The following FBXL17 variants were observed in gnomAD, a reference collection of about 807,000 sequenced individuals.
FBXL17 encodes the protein F-box and leucine rich repeat protein 17.
In FBXL17, 22 loss-of-function variants were observed where a neutral mutation model predicts 66.2. That is an observed-to-expected ratio of 0.33 (90% CI 0.24 to 0.47). The LOEUF (loss-of-function observed/expected upper bound fraction) is 0.47, where lower values mean the gene tolerates loss of function less well. Among genes scored for constraint, FBXL17 ranks in the 20% least tolerant of loss-of-function variants. The pLI, the probability that FBXL17 is intolerant of heterozygous loss-of-function variation, is 1.00. For missense variants in FBXL17, 878 were observed against 948.2 expected, an observed-to-expected ratio of 0.93 and a Z score of 0.97; for synonymous variants, 474 against 400.5, an observed-to-expected ratio of 1.18 and a Z score of -2.19.
rs1047840303 is a variant in FBXL17, at chr5:108,380,990, C to G, written c.702G>C (p.Gly234=). 3 of 1,208,112 alleles carry G rather than the reference C, an allele frequency of 2.5e-6. No homozygotes were observed. The highest frequency in any genetic ancestry group is 3.1e-6 in the Non-Finnish European group (3 of 972,554). 74.8% of individuals were successfully genotyped at this position (1,208,112 alleles called of 1,614,324 possible). A position where few individuals can be genotyped will look rare whatever the true frequency, so the allele number is the denominator to read the frequency against. The change falls in exon 1 of 9, where the codon GGG becomes GGC. Residue 234 remains glycine (G), a synonymous_variant. Transcript: ENST00000542267. ...GGGGGGGGPA[G]GGASPPRPPD... Reference sequence around the variant, plus strand: ...GGGGCCGGGGCGGCGAAGCGCCTCCCCCCGCAGGCCCTCCCCCGCCACCGC... The same window carrying G: ...GGGGCCGGGGCGGCGAAGCGCCTCCGCCCGCAGGCCCTCCCCCGCCACCGC...
intron 4 of FBXL17, among the ~76,000 whole-genome samples, chr5:108,235,085 G>A (rs1449944875): frequency 6.6e-6 from 1 of 152,182 alleles, no homozygotes; most frequent in African/African-American, 2.4e-5. Context: ...GCATATCTGG[G>A]ATGAAAAGGA....
At chr5:107,879,506 G>A (rs1561515113) in intron 8 of FBXL17, 2 of 985,304 alleles carry the variant, frequency 2.0e-6, no homozygotes, top group Non-Finnish European at 2.4e-6. Context: ...TCTGGGCTGG[G>A]CTGAGAATAT....
chr5:108,365,227 G>A (rs563973928), intron 2 of FBXL17, among the ~76,000 whole-genome samples: 10 of 152,124 alleles, frequency 6.6e-5, no homozygotes, highest in South Asian at 2.1e-4. Flanking sequence ...AAAACTCTTG[G>A]AATTTCCTAA....
chr5:107,866,287 T>C (rs891080660), intron 8 of FBXL17, among the ~76,000 whole-genome samples: 4 of 152,226 alleles, frequency 2.6e-5, no homozygotes, highest in Non-Finnish European at 5.9e-5. Flanking sequence ...CCACAAATTT[T>C]TTTTTAATAT....
At chr5:108,191,301 T>C (rs1267099489) in intron 5 of FBXL17, among the ~76,000 whole-genome samples, 1 of 152,226 alleles carries the variant, frequency 6.6e-6, no homozygotes, top group African/African-American at 2.4e-5. Flanking sequence ...TGTGAATTCT[T>C]ACCCATCTCT....
At chr5:107,961,461 C>T (rs1202993127) in intron 7 of FBXL17, among the ~76,000 whole-genome samples, 1 of 152,028 alleles carries the variant, frequency 6.6e-6, no homozygotes, top group Admixed American at 6.6e-5. Flanking sequence ...CTCCTAGGCT[C>T]AAGCGATCTA....
intron 4 of FBXL17, among the ~76,000 whole-genome samples, chr5:108,291,292 C>T (rs543977784): frequency 3.8e-4 from 58 of 152,250 alleles, no homozygotes; most frequent in Middle Eastern, 3.4e-3. Flanking sequence ...AATAGTTCAC[C>T]TAGCTGAGTT....
At chr5:107,963,931 T>C (rs1017477324) in intron 7 of FBXL17, among the ~76,000 whole-genome samples, 2 of 152,166 alleles carry the variant, frequency 1.3e-5, no homozygotes, top group Admixed American at 6.6e-5. Flanking sequence ...ATTCAGAACA[T>C]CTAAAAATCC....
chr5:108,141,150 T>C (rs1007595168), intron 6 of FBXL17, among the ~76,000 whole-genome samples: 17 of 152,230 alleles, frequency 1.1e-4, no homozygotes, highest in African/African-American at 4.1e-4. Flanking sequence ...GCTCCACACA[T>C]GGTGTTCCTT....
Position 107,970,997 on chromosome 5 carries a change from G to A in FBXL17, c.1822+49928C>T, listed in dbSNP as rs182518300. Among the ~76,000 whole-genome samples the A allele has an allele frequency of 6.6e-5, 10 of 152,304 alleles. No homozygotes were observed. In the East Asian group the frequency reaches 1.9e-3, roughly 29 times the overall value. On this transcript the variant is annotated intron_variant, in intron 7 of 8. Coordinates refer to ENST00000542267, the MANE Select transcript of FBXL17 (RefSeq NM_001163315.3). The stretch of plus-strand genomic sequence containing the variant: ...ACAGTATGCTAGAAATTTCAGAAGT[G>A]AGGTAAAAAATTATAAACTTAATTT...
At chr5:108,003,177 G>A (rs1753799901) in intron 7 of FBXL17, among the ~76,000 whole-genome samples, 1 of 152,202 alleles carries the variant, frequency 6.6e-6, no homozygotes, top group South Asian at 2.1e-4. Context: ...GGCCATGTGT[G>A]ATAAGGGGAA....
chr5:108,189,270 T>G (rs1383671822), intron 5 of FBXL17, among the ~76,000 whole-genome samples: 1 of 140,612 alleles, frequency 7.1e-6, no homozygotes, highest in Non-Finnish European at 1.5e-5. Flanking sequence ...GCTCATGTAG[T>G]TGCTGGAAGA....
chr5:108,065,383 T>C (rs1748080559), intron 6 of FBXL17, among the ~76,000 whole-genome samples: 1 of 152,332 alleles, frequency 6.6e-6, no homozygotes, highest in South Asian at 2.1e-4. Context: ...TACAATGGAA[T>C]TTCTGTGTCA....
chr5:107,875,107 C>CTCT (rs1748579035), intron 8 of FBXL17, among the ~76,000 whole-genome samples: 1 of 143,428 alleles, frequency 7.0e-6, no homozygotes, highest in African/African-American at 2.6e-5. Context: ...CTCTCTCTCT[C>CTCT]TTTTTTTTTT....
intron 7 of FBXL17, among the ~76,000 whole-genome samples, chr5:107,975,908 G>T (rs1752566697): frequency 6.7e-6 from 1 of 149,624 alleles, no homozygotes; most frequent in African/African-American, 2.5e-5. Context: ...CACCAGGCTG[G>T]AGTGCAGTGG....
chr5:108,140,337 G>A (rs1435264506), intron 6 of FBXL17, among the ~76,000 whole-genome samples: 3 of 152,224 alleles, frequency 2.0e-5, no homozygotes, highest in South Asian at 2.1e-4. Flanking sequence ...GAGCCACTGC[G>A]CCTGGCAACC....
chr5:108,070,441 T>G (rs1748284137), intron 6 of FBXL17, among the ~76,000 whole-genome samples: 1 of 152,202 alleles, frequency 6.6e-6, no homozygotes, highest in East Asian at 1.9e-4. Context: ...TGCTATAAAA[T>G]GAAAACCGAA....
At chr5:108,142,847 CAGT>C (rs1418986866) in intron 6 of FBXL17, among the ~76,000 whole-genome samples, 16 of 152,036 alleles carry the variant, frequency 1.1e-4, no homozygotes, top group African/African-American at 3.9e-4. Context: ...AAGATTCTTA[CAGT>C]GGACGGATAG....
At chr5:108,280,865 A>C (rs1757674884) in intron 4 of FBXL17, among the ~76,000 whole-genome samples, 1 of 151,924 alleles carries the variant, frequency 6.6e-6, no homozygotes, top group African/African-American at 2.4e-5. Flanking sequence ...AAGCAGTAGT[A>C]GCTATACTCA....
Sources: allele counts gnomAD v4.1 joint callset (sites outside exome capture counted in the v4.1 genomes callset), GRCh38; gene constraint gnomAD v4.1.1; transcripts MANE v1.5; gene names NCBI Gene and HGNC (gene_info 2026-07-23, HGNC 2026-07-21).